ARHGAP15: variants seen among roughly 807,000 people sequenced by gnomAD.
ARHGAP15 encodes Rho GTPase activating protein 15.
Under a neutral mutation model 63.7 loss-of-function variants are expected in ARHGAP15, and 51 were observed. That is an observed-to-expected ratio of 0.80 (90% confidence interval 0.64 to 1.01). The LOEUF is 1.01. ARHGAP15 is among the 50% of genes least tolerant of loss of function. The pLI, the probability that ARHGAP15 is intolerant of heterozygous loss-of-function variation, is 0.00. For missense variants in ARHGAP15, 560 were observed against 564.6 expected, an observed-to-expected ratio of 0.99 and a Z score of 0.08; for synonymous variants, 191 against 193.8, an observed-to-expected ratio of 0.99 and a Z score of 0.12.
intron 9 of ARHGAP15, among the ~76,000 whole-genome samples, chr2:143,501,349 A>G (rs1693045171): frequency 6.6e-6 from 1 of 152,230 alleles, no homozygotes; most frequent in Non-Finnish European, 1.5e-5. Flanking sequence ...CAATGTTTGC[A>G]TCTTAAAAAA....
In ARHGAP15 at chr2:143,675,037, G is replaced by T. The variant is rs539054931; in HGVS notation, c.1139-28382G>T. Among the ~76,000 whole-genome samples the T allele has an allele frequency of 4.9e-4, 75 of 152,292 alleles. 1 individual carries two copies. Among genetic ancestry groups the T allele is most frequent in the African/African-American group, 1.7e-3 (70 of 41,564 alleles). ...CACAGTAGAACTGCTTTCAAAATGG[G>T]AGTCAATCCTCTCAAACTCTGCCAC... On this transcript the variant is annotated intron_variant, in intron 12 of 13. Transcript: ENST00000295095.
At chr2:143,330,132 C>CAAAAAAAAA (rs367621500) in intron 6 of ARHGAP15, among the ~76,000 whole-genome samples, 1 of 48,932 alleles carries the variant, frequency 2.0e-5, no homozygotes, top group Non-Finnish European at 4.1e-5. Flanking sequence ...AAAAAAAAAA[C>CAAAAAAAAA]CAAAAACAAA....
Position 143,768,237 on chromosome 2 carries a change from T to TAAAC in ARHGAP15, c.*67_*70dup. On this transcript the variant is annotated 3_prime_UTR_variant, in exon 14 of 14. Transcript: ENST00000295095. ...GATGCCTAATATTTTTACATTTCTGTAAACATATTTCTGAAATATTTTTTG... is the reference window on the plus strand; with the variant it reads ...GATGCCTAATATTTTTACATTTCTGTAAACAAACATATTTCTGAAATATTTTTTG... 1.4e-6 allele frequency: 2 copies of TAAAC among 1,466,240 alleles called. No homozygotes were observed. Among genetic ancestry groups the TAAAC allele is most frequent in the Non-Finnish European group, 1.8e-6 (2 of 1,092,220 alleles). 90.8% of individuals were successfully genotyped at this position (1,466,240 alleles called of 1,614,324 possible). A position where few individuals can be genotyped will look rare whatever the true frequency, so the allele number is the denominator to read the frequency against.
At chr2:143,660,334 G>T (rs1411307322) in intron 12 of ARHGAP15, among the ~76,000 whole-genome samples, 1 of 152,058 alleles carries the variant, frequency 6.6e-6, no homozygotes, top group East Asian at 1.9e-4. Context: ...AATTCCAATT[G>T]CATTTGGGGA....
At chr2:143,645,195 TATCTTTAAAGTAAA>T (rs1680810727) in intron 12 of ARHGAP15, among the ~76,000 whole-genome samples, 1 of 152,130 alleles carries the variant, frequency 6.6e-6, no homozygotes, top group African/African-American at 2.4e-5. Flanking sequence ...AGCCAAAAGA[TATCTTTAAAGTAAA>T]ATCTTTAAAG....
chr2:143,163,773 T>A (rs1358290133), intron 2 of ARHGAP15, among the ~76,000 whole-genome samples: 4 of 152,048 alleles, frequency 2.6e-5, no homozygotes, highest in Non-Finnish European at 4.4e-5. Flanking sequence ...CTTAGAAAGA[T>A]TTGCTATTTG....
At chr2:143,761,486 A>G (rs1371321667) in intron 13 of ARHGAP15, among the ~76,000 whole-genome samples, 1 of 151,956 alleles carries the variant, frequency 6.6e-6, no homozygotes, top group African/African-American at 2.4e-5. Flanking sequence ...TTTGCAAGTC[A>G]CTATAGTAAC....
Position 143,423,323 on chromosome 2 carries a change from T to C in ARHGAP15, c.475-12278T>C, listed in dbSNP as rs147436798. On this transcript the variant is annotated intron_variant, in intron 6 of 13. Transcript: ENST00000295095. ...GACTAATCATTGCTTTCCTCTTTAC[T>C]AGTATACCAAATAAAATCTGTTTTC... Among the ~76,000 whole-genome samples the C allele has an allele frequency of 2.1e-4, 31 of 148,938 alleles. No individual in the cohort carries two copies. The East Asian group carries it at 6.2e-3, about 30-fold the overall frequency.
chr2:143,349,468 C>A lies in ARHGAP15; in HGVS notation c.475-86133C>A, dbSNP rs73962399. Among the ~76,000 whole-genome samples, 198 of 152,246 alleles carry A rather than the reference C, an allele frequency of 1.3e-3. 2 individuals carry two copies. Among genetic ancestry groups the A allele is most frequent in the African/African-American group, 4.5e-3 (189 of 41,554 alleles). Reference sequence around the variant, plus strand: ...TCTTAAAGATGGAAAGTAATGCAGTCATTTAGCTTGTAATTTTCTAAAATA... The same window carrying A: ...TCTTAAAGATGGAAAGTAATGCAGTAATTTAGCTTGTAATTTTCTAAAATA... On this transcript the variant is annotated intron_variant, in intron 6 of 13. Coordinates refer to ENST00000295095, the MANE Select transcript of ARHGAP15 (RefSeq NM_018460.4).
chr2:143,362,887 C>A (rs1383686185), intron 6 of ARHGAP15, among the ~76,000 whole-genome samples: 3 of 152,150 alleles, frequency 2.0e-5, no homozygotes, highest in African/African-American at 7.2e-5. Flanking sequence ...TCCATGTCAC[C>A]ATTATCATTC....
chr2:143,279,938 C>T (rs1681758090), intron 6 of ARHGAP15, among the ~76,000 whole-genome samples: 1 of 152,096 alleles, frequency 6.6e-6, no homozygotes, highest in Admixed American at 6.6e-5. Flanking sequence ...GCCAGTGAGT[C>T]ACTGGATCCA....
At chr2:143,387,704 T>C (rs187437590) in intron 6 of ARHGAP15, among the ~76,000 whole-genome samples, 32 of 143,418 alleles carry the variant, frequency 2.2e-4, no homozygotes, top group Admixed American at 2.0e-3. Flanking sequence ...CTTCCCAAAA[T>C]AGAAAAAAAA....
At chr2:143,160,141 G>A (rs1690233188) in intron 2 of ARHGAP15, among the ~76,000 whole-genome samples, 1 of 151,728 alleles carries the variant, frequency 6.6e-6, no homozygotes, top group Non-Finnish European at 1.5e-5. Context: ...CTTTTATCTA[G>A]CTCTGTAGTA....
chr2:143,423,450 G>A (rs1434009912), intron 6 of ARHGAP15, among the ~76,000 whole-genome samples: 2 of 152,106 alleles, frequency 1.3e-5, no homozygotes, highest in African/African-American at 4.8e-5. Flanking sequence ...TTGAGAGCTG[G>A]TGCTATTCCA....
At chr2:143,342,339 C>T (rs955008393) in intron 6 of ARHGAP15, among the ~76,000 whole-genome samples, 1 of 152,024 alleles carries the variant, frequency 6.6e-6, no homozygotes, top group African/African-American at 2.4e-5. Flanking sequence ...GGAAAAAATA[C>T]TCATCTAGCA....
chr2:143,515,677 G>A (rs905757116), intron 9 of ARHGAP15, among the ~76,000 whole-genome samples: 1 of 152,124 alleles, frequency 6.6e-6, no homozygotes, highest in African/African-American at 2.4e-5. Context: ...ACCCAAAGTT[G>A]CAGAGCAGGT....
intron 6 of ARHGAP15, among the ~76,000 whole-genome samples, chr2:143,359,320 A>G (rs750179954): frequency 5.3e-5 from 8 of 152,168 alleles, no homozygotes; most frequent in Non-Finnish European, 7.4e-5. Flanking sequence ...ACATTTCTCA[A>G]GCTGACAAAA....
chr2:143,221,218 A>AT (rs2105155088), intron 4 of ARHGAP15, among the ~76,000 whole-genome samples: 1 of 151,846 alleles, frequency 6.6e-6, no homozygotes, highest in Non-Finnish European at 1.5e-5. Context: ...TTGTCTTCTT[A>AT]TTTTCCTTCT....
chr2:143,409,517 T>C (rs1688355793), intron 6 of ARHGAP15, among the ~76,000 whole-genome samples: 1 of 152,068 alleles, frequency 6.6e-6, no homozygotes, highest in African/African-American at 2.4e-5. Context: ...AGATCATTCC[T>C]ATATCATAGT....
Sources: gnomAD v4.1 joint callset for allele counts (sites outside exome capture counted in the v4.1 genomes callset) on GRCh38, gnomAD v4.1.1 for gene constraint, MANE v1.5 for transcripts, NCBI Gene and HGNC (gene_info 2026-07-23, HGNC 2026-07-21) for gene names.